The following C8A variants were observed in gnomAD, a reference collection of about 807,000 sequenced individuals.
The protein encoded by C8A is complement C8 alpha chain, also known as complement component C8 alpha chain.
C8A carries 67 observed loss-of-function variants against 65.3 expected under a neutral mutation model. The ratio of observed to expected loss-of-function variants is 1.03; its 90% confidence interval spans 0.84 to 1.26. The LOEUF is 1.26. Ranked by LOEUF, C8A falls within the 50% of genes most tolerant of loss-of-function variation. C8A has a pLI of 0.00. For missense variants in C8A, 781 were observed against 723.9 expected, an observed-to-expected ratio of 1.08 and a Z score of -0.90; for synonymous variants, 290 against 259.4, an observed-to-expected ratio of 1.12 and a Z score of -1.13.
At chr1:56,882,246 T>C (rs560229544) in intron 5 of C8A, among the ~76,000 whole-genome samples, 1 of 152,168 alleles carries the variant, frequency 6.6e-6, no homozygotes, top group Admixed American at 6.6e-5. Context: ...GGCCTACTCA[T>C]GGCCATTAAT....
intron 10 of C8A, among the ~76,000 whole-genome samples, chr1:56,914,130 A>T (rs749285858): frequency 6.6e-6 from 1 of 152,216 alleles, no homozygotes; most frequent in Non-Finnish European, 1.5e-5. Flanking sequence ...AAGAAGAAAG[A>T]CTCAGAAAGG....
intron 4 of C8A, among the ~76,000 whole-genome samples, chr1:56,879,558 CT>C (rs1169837557): frequency 5.3e-5 from 8 of 152,096 alleles, no homozygotes; most frequent in Non-Finnish European, 8.8e-5. Flanking sequence ...AAGATAGAAA[CT>C]TCAGGGAAAG....
At chr1:56,879,796 G>A (rs1488103749) in intron 4 of C8A, among the ~76,000 whole-genome samples, 1 of 152,154 alleles carries the variant, frequency 6.6e-6, no homozygotes, top group East Asian at 1.9e-4. Context: ...AGAGAAAAAG[G>A]AAGTTAACAT....
intron 5 of C8A, 46 bp from the exon 6 acceptor site, chr1:56,883,435 A>G (rs1644263288): frequency 6.7e-7 from 1 of 1,486,206 alleles, no homozygotes; most frequent in Non-Finnish European, 9.4e-7. Context: ...GAATTGAGAA[A>G]TGGCTCTATG....
intron 7 of C8A, among the ~76,000 whole-genome samples, chr1:56,897,162 A>G (rs913210234): frequency 3.9e-5 from 6 of 152,224 alleles, no homozygotes; most frequent in African/African-American, 1.4e-4. Flanking sequence ...GGGTTTTAAA[A>G]ATAATTAAGG....
At position 56,897,250 on chromosome 1, in the gene C8A, A is replaced by T. The variant is rs1169208480; in HGVS notation, c.1097-9417A>T. 2.6e-5 allele frequency among the ~76,000 whole-genome samples: 4 copies of T among 152,222 alleles called. No homozygotes were observed. The East Asian group carries it at 7.7e-4, about 29-fold the overall frequency. On this transcript the variant is annotated intron_variant, in intron 7 of 10. Transcript: ENST00000361249. Reference sequence around the variant, plus strand: ...ATTGATTGGGAATTGTAACTGGGAGAATTGTTAATGTTTAAACTGAAAAGC... The same window carrying T: ...ATTGATTGGGAATTGTAACTGGGAGTATTGTTAATGTTTAAACTGAAAAGC...
intron 8 of C8A, among the ~76,000 whole-genome samples, 186 bp from the exon 9 acceptor site, chr1:56,907,770 G>A (rs1467962740): frequency 2.0e-5 from 3 of 152,202 alleles, no homozygotes; most frequent in African/African-American, 7.2e-5. Flanking sequence ...CAGAGGATGG[G>A]TCTATTTCTG....
intron 9 of C8A, among the ~76,000 whole-genome samples, chr1:56,909,188 T>C (rs989167472): frequency 1.7e-4 from 26 of 152,236 alleles, no homozygotes; most frequent in African/African-American, 6.0e-4. Flanking sequence ...ACTATTTCTG[T>C]CCATATGTGG....
chr1:56,880,505 G>A (rs926448409), intron 4 of C8A, among the ~76,000 whole-genome samples: 1 of 152,076 alleles, frequency 6.6e-6, no homozygotes, highest in South Asian at 2.1e-4. Context: ...TGTGTTCAAA[G>A]TCATACAGCT....
At chr1:56,861,491 C>T (rs892509029) in intron 1 of C8A, among the ~76,000 whole-genome samples, 1 of 152,120 alleles carries the variant, frequency 6.6e-6, no homozygotes, top group Admixed American at 6.5e-5. Flanking sequence ...AGCACTAAGC[C>T]TTTCCTGAGG....
chr1:56,900,864 C>G (rs1644421584), intron 7 of C8A, among the ~76,000 whole-genome samples: 1 of 152,068 alleles, frequency 6.6e-6, no homozygotes, highest in South Asian at 2.1e-4. Context: ...AAGAACAGAC[C>G]AAGAAATTGA....
chr1:56,878,686 T>C (rs576120777), intron 4 of C8A, among the ~76,000 whole-genome samples: 1 of 152,304 alleles, frequency 6.6e-6, no homozygotes, highest in Admixed American at 6.5e-5. Context: ...AAGTAATACA[T>C]GTTTGAAATA....
intron 9 of C8A, among the ~76,000 whole-genome samples, chr1:56,909,024 C>A (rs928572950): frequency 6.6e-6 from 1 of 152,200 alleles, no homozygotes; most frequent in East Asian, 1.9e-4. Flanking sequence ...AAACATCCTT[C>A]CATGCACAGA....
At chr1:56,871,360 A>G (rs1359219274) in intron 2 of C8A, among the ~76,000 whole-genome samples, 1 of 152,326 alleles carries the variant, frequency 6.6e-6, no homozygotes, top group Non-Finnish European at 1.5e-5. Flanking sequence ...TGAACCATCC[A>G]GGAGAGTAAT....
intron 7 of C8A, among the ~76,000 whole-genome samples, chr1:56,896,980 G>C (rs527403914): frequency 1.3e-5 from 2 of 152,252 alleles, no homozygotes; most frequent in South Asian, 2.1e-4. Flanking sequence ...GCACTGAAAG[G>C]CAAGATGACA....
intron 2 of C8A, among the ~76,000 whole-genome samples, chr1:56,868,885 T>G (rs991513950): frequency 5.9e-5 from 9 of 152,212 alleles, no homozygotes; most frequent in African/African-American, 2.2e-4. Flanking sequence ...AGTTTCATTA[T>G]GTATAAATTG....
At chr1:56,855,507 C>T (rs1347343849) in intron 1 of C8A, among the ~76,000 whole-genome samples, 1 of 152,032 alleles carries the variant, frequency 6.6e-6, no homozygotes, top group Non-Finnish European at 1.5e-5. Flanking sequence ...TATAGAGATG[C>T]TGGGTCATTT....
chr1:56,907,522 C>T (rs188525049), intron 8 of C8A, among the ~76,000 whole-genome samples: 130 of 152,284 alleles, frequency 8.5e-4, no homozygotes, highest in African/African-American at 2.8e-3. Flanking sequence ...TCCCACACCC[C>T]CTACTGTATA....
intron 10 of C8A, among the ~76,000 whole-genome samples, chr1:56,916,433 G>A (rs1018122054): frequency 6.6e-6 from 1 of 152,188 alleles, no homozygotes; most frequent in Non-Finnish European, 1.5e-5. Context: ...AATTTTCCCA[G>A]TAAACCTTTG....
Sources: gnomAD v4.1 joint callset for allele counts (sites outside exome capture counted in the v4.1 genomes callset) on GRCh38, gnomAD v4.1.1 for gene constraint, MANE v1.5 for transcripts, NCBI Gene and HGNC (gene_info 2026-07-23, HGNC 2026-07-21) for gene names.